Variants in TAC4 observed in about 807,000 individuals in gnomAD.
TAC4 encodes the protein tachykinin-4.
TAC4 carries 17 observed loss-of-function variants against 17.7 expected under a neutral mutation model. The ratio of observed to expected loss-of-function variants is 0.96; its 90% CI spans 0.66 to 1.44. The LOEUF (loss-of-function observed/expected upper bound fraction) is 1.44. Ranked by LOEUF, TAC4 falls within the 40% of genes most tolerant of loss-of-function variation. The pLI, the probability that TAC4 is intolerant of heterozygous loss-of-function variation, is 0.00. For missense variants in TAC4, 118 were observed against 125.6 expected (o/e 0.94, Z 0.29); for synonymous variants, 62 against 52.4 (o/e 1.18, Z -0.79).
chr17:49,846,080 C>G, intron 1 of TAC4: 5 of 522,124 alleles, frequency 9.6e-6, no homozygotes, highest in Non-Finnish European at 1.5e-5. Context: ...CCTTTCTCCC[C>G]CACTGGGTTT....
At chr17:49,839,467 G>T (rs116007315) in intron 4 of TAC4, among the ~76,000 whole-genome samples, 245 of 152,324 alleles carry the variant, frequency 1.6e-3, no homozygotes, top group African/African-American at 5.6e-3. Flanking sequence ...AAGACTAAAG[G>T]CATGACCCTC....
intron 1 of TAC4, among the ~76,000 whole-genome samples, chr17:49,846,518 C>A (rs2074541552): frequency 6.6e-6 from 1 of 152,188 alleles, no homozygotes; most frequent in Non-Finnish European, 1.5e-5. Flanking sequence ...CTCCAGCAGT[C>A]CTTCTGCCTC....
At chr17:49,847,670 TAC>T (rs1230844971) in intron 1 of TAC4, 15,714 of 405,068 alleles carry the variant, frequency 0.039, 136 homozygotes, top group East Asian at 0.056. Flanking sequence ...AAGTATTTCT[TAC>T]ACACACACAC....
At chr17:49,846,146 A>T in intron 1 of TAC4, 1 of 1,195,016 alleles carries the variant, frequency 8.4e-7, no homozygotes. Flanking sequence ...CTCCGACAGG[A>T]CTCCTGCCCC....
In TAC4 at chr17:49,848,058, C is replaced by G; in HGVS notation, c.-41G>C. ...TCCTGGAATCTCTGGGAGCCCCTCTCAGCTTGAAGATGCCTCCTGCAGGCT... is the reference window on the plus strand; with the variant it reads ...TCCTGGAATCTCTGGGAGCCCCTCTGAGCTTGAAGATGCCTCCTGCAGGCT... On this transcript the variant is annotated 5_prime_UTR_variant, in exon 1 of 5. Coordinates refer to ENST00000436235, the MANE Select transcript of TAC4 (RefSeq NM_001077506.2). 1 of 1,610,390 alleles carries G rather than the reference C, an allele frequency of 6.2e-7. No individual in the cohort carries two copies. Among genetic ancestry groups the G allele is most frequent in the African/African-American group, 1.3e-5 (1 of 75,018 alleles).
At chr17:49,841,797 C>T (rs1271977126) in intron 2 of TAC4, among the ~76,000 whole-genome samples, 1 of 151,804 alleles carries the variant, frequency 6.6e-6, no homozygotes, top group Admixed American at 6.6e-5. Context: ...GGGTCACTGG[C>T]ACCTGGTGCC....
At chr17:49,843,096 C>T (rs79114856) in intron 2 of TAC4, among the ~76,000 whole-genome samples, 1,832 of 152,294 alleles carry the variant, frequency 0.012, 43 homozygotes, top group African/African-American at 0.042. Context: ...AGCATGTCTG[C>T]CTGAAAAGCG....
intron 1 of TAC4, chr17:49,847,399 T>A: frequency 1.6e-6 from 1 of 633,220 alleles, no homozygotes; most frequent in Non-Finnish European, 2.3e-6. Flanking sequence ...TGGTCCTGTT[T>A]AAGTTGATCC....
At chr17:49,842,043 A>G (rs2074502423) in intron 2 of TAC4, among the ~76,000 whole-genome samples, 2 of 150,112 alleles carry the variant, frequency 1.3e-5, no homozygotes, top group Non-Finnish European at 3.0e-5. Context: ...AGCCAGGACT[A>G]CAGGCGCCCG....
intron 2 of TAC4, among the ~76,000 whole-genome samples, chr17:49,841,901 C>CTTTTT (rs1161302297): frequency 1.2e-4 from 12 of 99,130 alleles, no homozygotes; most frequent in African/African-American, 2.4e-4. Flanking sequence ...GAGATTTAAT[C>CTTTTT]TTTTTTTTTT....
At chr17:49,846,928 GCAGGTGAGGAAACTGATGTC>G in intron 1 of TAC4, 5 of 1,279,306 alleles carry the variant, frequency 3.9e-6, no homozygotes, top group Non-Finnish European at 5.1e-6. Context: ...CCTCCGTTTT[GCAGGTGAGGAAACTGATGTC>G]CAGAAAGAAG....
intron 4 of TAC4, among the ~76,000 whole-genome samples, chr17:49,839,499 A>T (rs2074480908): frequency 6.6e-6 from 1 of 152,216 alleles, no homozygotes; most frequent in Non-Finnish European, 1.5e-5. Flanking sequence ...GATTAGTGTA[A>T]CGATCAACGA....
intron 1 of TAC4, chr17:49,846,029 A>C: frequency 6.8e-6 from 2 of 296,194 alleles, no homozygotes; most frequent in Admixed American, 1.1e-4. Flanking sequence ...CTTCAGGTGC[A>C]AGCTGGAGAG....
chr17:49,847,692 GACACACACACAC>G lies in TAC4; in HGVS notation c.105+209_105+220del, dbSNP rs150685532. On this transcript the variant is annotated intron_variant, in intron 1 of 4. Transcript: ENST00000436235. ...TCTTACACACACACACACACACACA[GACACACACACAC>G]ACACACACACACACACACACACTTC... 73 of 434,148 alleles carry G rather than the reference GACACACACACAC, an allele frequency of 1.7e-4. No homozygotes were observed. The Middle Eastern group carries it at 2.0e-3, about 12-fold the overall frequency. The allele number at this position is 434,148 out of a possible 1,614,324, so 26.9% of individuals were successfully genotyped here. A position where few individuals can be genotyped will look rare whatever the true frequency, so the allele number is the denominator to read the frequency against.
At chr17:49,840,887 CTTTTT>C (rs778120935) in intron 3 of TAC4, among the ~76,000 whole-genome samples, 6 of 79,560 alleles carry the variant, frequency 7.5e-5, no homozygotes, top group Admixed American at 1.7e-4. Context: ...TAGATTTGTA[CTTTTT>C]TTTTTTTTTT....
intron 1 of TAC4, among the ~76,000 whole-genome samples, chr17:49,846,477 A>G (rs922788829): frequency 3.3e-5 from 5 of 152,052 alleles, no homozygotes; most frequent in African/African-American, 7.2e-5. Flanking sequence ...GGGTCTTTCT[A>G]TGTTGCCCAG....
intron 1 of TAC4, chr17:49,846,370 G>T: frequency 1.9e-6 from 1 of 535,894 alleles, no homozygotes; most frequent in South Asian, 1.9e-5. Flanking sequence ...TCAACTTCCT[G>T]GGTCCCAGTG....
rs768653890 is a variant in TAC4, at chr17:49,848,026, T to C, written c.-9A>G. ...GCGAGGCAAGGCAGCATGGTGAGCC[T>C]GCACTGTCCTGGAATCTCTGGGAGC... On this transcript the variant is annotated 5_prime_UTR_variant, in exon 1 of 5. Transcript: ENST00000436235. 1 of 1,613,902 alleles carries C rather than the reference T, an allele frequency of 6.2e-7. No homozygotes were observed. Among genetic ancestry groups the C allele is most frequent in the Non-Finnish European group, 8.5e-7 (1 of 1,179,938 alleles).
chr17:49,840,793 A>G (rs1450912659), intron 3 of TAC4, among the ~76,000 whole-genome samples: 3 of 150,222 alleles, frequency 2.0e-5, no homozygotes, highest in Admixed American at 6.7e-5. Context: ...GTGAGCCACC[A>G]CACCCACCTG....
Sources: allele counts gnomAD v4.1 joint callset (sites outside exome capture counted in the v4.1 genomes callset), GRCh38; gene constraint gnomAD v4.1.1; transcripts MANE v1.5; gene names NCBI Gene and HGNC (gene_info 2026-07-23, HGNC 2026-07-21).